OLR1: variants seen among roughly 807,000 people sequenced by gnomAD.
The protein encoded by OLR1 is oxidized low-density lipoprotein receptor 1.
Under a neutral mutation model 31.7 loss-of-function variants are expected in OLR1, and 23 were observed. The ratio of observed to expected loss-of-function variants is 0.72; its 90% CI spans 0.52 to 1.03. The LOEUF (loss-of-function observed/expected upper bound fraction) is 1.03. Ranked by LOEUF, OLR1 falls within the 50% of genes least tolerant of loss-of-function variation. OLR1 has a pLI of 0.00. For missense variants in OLR1, 286 were observed against 315.7 expected (o/e 0.91, Z 0.71); for synonymous variants, 117 against 115.8 (o/e 1.01, Z -0.07).
chr12:10,166,697 C>T lies in OLR1; in HGVS notation c.424+15G>A, dbSNP rs776856074. 12 of 1,613,664 alleles carry T rather than the reference C, an allele frequency of 7.4e-6. No individual in the cohort carries two copies. Among genetic ancestry groups the T allele is most frequent in the Admixed American group, 1.7e-5 (1 of 59,982 alleles). On this transcript the variant is annotated intron_variant, in intron 3 of 5. Transcript: ENST00000309539. The stretch of plus-strand genomic sequence containing the variant: ...AGCTTCCACTATGTCTCCTTACCCA[C>T]CCTTCTCCCAATACCTGAACAATTT...
At chr12:10,163,930 C>CAA (rs943599614) in intron 3 of OLR1, among the ~76,000 whole-genome samples, 1 of 133,354 alleles carries the variant, frequency 7.5e-6, no homozygotes, top group Non-Finnish European at 1.6e-5. Context: ...GACTCCGTCT[C>CAA]AAAAAAAAAA....
upstream of OLR1, among the ~76,000 whole-genome samples, chr12:10,175,049 G>T (rs987498645): frequency 6.6e-6 from 1 of 152,110 alleles, no homozygotes; most frequent in Admixed American, 6.5e-5. Flanking sequence ...TCCTTGTGTG[G>T]CAGATAACTG....
chr12:10,168,971 G>A, intron 2 of OLR1, 103 bp downstream of exon 2: 1 of 688,912 alleles, frequency 1.5e-6, no homozygotes, highest in Admixed American at 3.5e-5. Flanking sequence ...CTATATCAAG[G>A]CTGTTTGTAG....
intron 3 of OLR1, among the ~76,000 whole-genome samples, chr12:10,164,079 G>C (rs1948641788): frequency 1.3e-5 from 2 of 152,148 alleles, no homozygotes; most frequent in African/African-American, 4.8e-5. Flanking sequence ...TTTATTAGTT[G>C]TTCATCCAGG....
chr12:10,167,167 G>A lies in OLR1; in HGVS notation c.179-210C>T, dbSNP rs1948669958. 8.0e-6 allele frequency: 4 copies of A among 498,078 alleles called. No homozygotes were observed. The South Asian group carries it at 1.1e-4, about 14-fold the overall frequency. 30.9% of individuals were successfully genotyped at this position (498,078 alleles called of 1,614,324 possible). On this transcript the variant is annotated intron_variant, in intron 2 of 5. Coordinates refer to ENST00000309539, the MANE Select transcript of OLR1 (RefSeq NM_002543.4). The stretch of plus-strand genomic sequence containing the variant: ...AATGTCAGGAACATTGCAAACACTT[G>A]TAATTTTTTTAAAAATTACCAAGAT...
Position 10,160,468 on chromosome 12 carries a change from G to C in OLR1, c.565-6C>G. The C allele has an allele frequency of 6.2e-7, 1 of 1,600,524 alleles. No homozygotes were observed. Reference sequence around the variant, plus strand: ...ATTGCTTGCTGGATGAAGTCCTGTGGGGAGTAATGTTTCTGAGTTTGTGGA... The same window carrying C: ...ATTGCTTGCTGGATGAAGTCCTGTGCGGAGTAATGTTTCTGAGTTTGTGGA... On this transcript the variant is annotated splice_region_variant and splice_polypyrimidine_tract_variant and intron_variant, in intron 4 of 5. Coordinates refer to ENST00000309539, the MANE Select transcript of OLR1 (RefSeq NM_002543.4).
intron 4 of OLR1, 38 bp from the exon 5 acceptor site, chr12:10,160,500 A>G (rs377375761): frequency 2.7e-6 from 4 of 1,499,478 alleles, no homozygotes; most frequent in East Asian, 2.3e-5. Flanking sequence ...TGGAATCCAC[A>G]TGGTGGTTTT....
chr12:10,163,495 C>T (rs1948636089), intron 3 of OLR1, among the ~76,000 whole-genome samples: 1 of 152,084 alleles, frequency 6.6e-6, no homozygotes, highest in Non-Finnish European at 1.5e-5. Flanking sequence ...AATAACCTCT[C>T]AGCATCTCTC....
upstream of OLR1, among the ~76,000 whole-genome samples, chr12:10,176,113 C>A (rs1243731413): frequency 6.6e-6 from 1 of 152,172 alleles, no homozygotes; most frequent in Non-Finnish European, 1.5e-5. Context: ...TTCCCTCTAT[C>A]CCAGCTACCT....
intron 2 of OLR1, 39 bp downstream of exon 2, chr12:10,169,035 C>A: frequency 7.0e-7 from 1 of 1,418,850 alleles, no homozygotes; most frequent in South Asian, 1.2e-5. Flanking sequence ...TCCAACACCC[C>A]TGCCCCAATA....
chr12:10,171,031 A>T (rs2634162), intron 1 of OLR1, among the ~76,000 whole-genome samples: 36,717 of 152,062 alleles, frequency 0.24, 5,217 homozygotes, highest in East Asian at 0.56. Context: ...TTATTGTAAA[A>T]TTCAGACCCT....
At chr12:10,164,886 A>C (rs1297471687) in intron 3 of OLR1, among the ~76,000 whole-genome samples, 2 of 152,226 alleles carry the variant, frequency 1.3e-5, no homozygotes, top group African/African-American at 2.4e-5. Flanking sequence ...TTATATAAAT[A>C]GACTTCTTGG....
At chr12:10,160,580 T>C in intron 4 of OLR1, 118 bp from the exon 5 acceptor site, 1 of 990,784 alleles carries the variant, frequency 1.0e-6, no homozygotes, top group Non-Finnish European at 1.5e-6. Flanking sequence ...GACATCCCCT[T>C]GACTGTTTTA....
At chr12:10,160,120 C>G in intron 5 of OLR1, 99 bp from the exon 6 acceptor site, 1 of 1,289,928 alleles carries the variant, frequency 7.8e-7, no homozygotes, top group Non-Finnish European at 1.1e-6. Flanking sequence ...GTCTTAAAGC[C>G]TCCAATCAGT....
chr12:10,160,058 A>C (rs747741631), intron 5 of OLR1, 37 bp from the exon 6 acceptor site: 1 of 1,570,720 alleles, frequency 6.4e-7, no homozygotes, highest in Non-Finnish European at 8.6e-7. Context: ...CCAACAAAAA[A>C]ACTTAGGTTT....
upstream of OLR1, among the ~76,000 whole-genome samples, chr12:10,175,815 C>G (rs1271398363): frequency 2.6e-5 from 4 of 152,208 alleles, no homozygotes; most frequent in African/African-American, 9.7e-5. Context: ...GCCTCAGAGT[C>G]CTGGCCTCTA....
chr12:10,161,956 A>G (rs1340248685), intron 3 of OLR1, among the ~76,000 whole-genome samples: 3 of 146,462 alleles, frequency 2.0e-5, no homozygotes, highest in Admixed American at 6.8e-5. Context: ...AAAAACACAT[A>G]CTATATTTCT....
At chr12:10,160,634 G>T in intron 4 of OLR1, 152 bp downstream of exon 4, 1 of 1,073,774 alleles carries the variant, frequency 9.3e-7, no homozygotes, top group Non-Finnish European at 1.4e-6. Flanking sequence ...GAGCCTGTCC[G>T]TCCAAGGTCA....
chr12:10,171,358 T>C (rs1185742217), intron 1 of OLR1, among the ~76,000 whole-genome samples: 1 of 152,252 alleles, frequency 6.6e-6, no homozygotes, highest in African/African-American at 2.4e-5. Context: ...ATTGGGATTA[T>C]GAATTAATTT....
Sources: gnomAD v4.1 joint callset for allele counts (sites outside exome capture counted in the v4.1 genomes callset) on GRCh38, gnomAD v4.1.1 for gene constraint, MANE v1.5 for transcripts, NCBI Gene and HGNC (gene_info 2026-07-23, HGNC 2026-07-21) for gene names.